CWH43: variants seen among roughly 807,000 people sequenced by gnomAD.
The protein encoded by CWH43 is PGAP2-interacting protein.
In CWH43, 91 loss-of-function variants were observed where a neutral mutation model predicts 85.7. The ratio of observed to expected loss-of-function variants is 1.06; its 90% CI spans 0.90 to 1.26. The LOEUF is 1.26. Ranked by LOEUF, CWH43 falls within the 50% of genes most tolerant of loss-of-function variation. CWH43 has a pLI of 0.00. For missense variants in CWH43, 869 were observed against 839.2 expected (o/e 1.04, Z -0.44); for synonymous variants, 323 against 293.6 (o/e 1.10, Z -1.02).
At chr4:48,991,309 A>C (rs1276070801) in intron 2 of CWH43, 145 bp from the exon 3 acceptor site, 2 of 762,946 alleles carry the variant, frequency 2.6e-6, no homozygotes, top group Admixed American at 2.7e-5. Flanking sequence ...TTTCAATAAA[A>C]ATTTTAAATA....
chr4:49,049,473 T>A (rs1270663626), intron 14 of CWH43, among the ~76,000 whole-genome samples: 2 of 151,920 alleles, frequency 1.3e-5, no homozygotes, highest in South Asian at 4.2e-4. Context: ...CTGGTAGCTG[T>A]CACAGACCTC....
rs1783579499 is a variant in CWH43, at chr4:49,017,250, T to C, written c.1188T>C (p.Phe396=). 6.2e-7 allele frequency: 1 copy of C among 1,609,598 alleles called. No homozygotes were observed. Among genetic ancestry groups the C allele is most frequent in the Admixed American group, 1.7e-5 (1 of 59,654 alleles). Residue 396 remains phenylalanine (F), a splice_region_variant and synonymous_variant, in exon 9 of 16, where the codon TTT becomes TTC. Transcript: ENST00000226432. ...CAATTATTTCTTTTTTCTGTTTAGT[T>C]CTGTGGCTGCTTGTTGGTGTGGGAT... ...FRKSEKYMKL[F]LWLLVGVGLL...
rs771539907 is a variant in CWH43, at chr4:48,991,437, C to G, written c.236-17C>G. On this transcript the variant is annotated splice_polypyrimidine_tract_variant and intron_variant, in intron 2 of 15. Transcript: ENST00000226432. Reference sequence around the variant, plus strand: ...ATACTTGCCAGAAATGCTTAGCTCTCCCTATTTTGTTTGTAGGCAGCATAG... The same window carrying G: ...ATACTTGCCAGAAATGCTTAGCTCTGCCTATTTTGTTTGTAGGCAGCATAG... 8 of 1,613,620 alleles carry G rather than the reference C, an allele frequency of 5.0e-6. No individual in the cohort carries two copies. Among genetic ancestry groups the G allele is most frequent in the Non-Finnish European group, 5.9e-6 (7 of 1,179,784 alleles).
At chr4:49,001,329 T>C (rs1373311188) in intron 6 of CWH43, among the ~76,000 whole-genome samples, 3 of 152,200 alleles carry the variant, frequency 2.0e-5, no homozygotes, top group African/African-American at 7.2e-5. Context: ...ATAATTGTTA[T>C]TGAAATAGTT....
In CWH43 at chr4:49,030,873, T is replaced by A. The variant is rs1378077261; in HGVS notation, c.1421T>A (p.Met474Lys). Residue 474 changes from methionine to lysine, a missense_variant, in exon 11 of 16, where the codon ATG becomes AAG. By Grantham distance (95) the Met-to-Lys change is moderately conservative. Transcript: ENST00000226432. ...GAGAGTGATGCTTCTAAGCCCTATA[T>A]GGGGAACAATGACTTAACCATGTGG... ...ILESDASKPY[M>K]GNNDLTMWLG... is the part of the protein sequence containing the mutation. 4 of 1,609,264 alleles carry A rather than the reference T, an allele frequency of 2.5e-6. No homozygotes were observed. The highest frequency in any genetic ancestry group is 3.4e-6 in the Non-Finnish European group (4 of 1,178,372).
chr4:49,000,614 A>T (rs1782960534), intron 6 of CWH43, among the ~76,000 whole-genome samples: 1 of 152,234 alleles, frequency 6.6e-6, no homozygotes. Context: ...CATTTATATC[A>T]TGCCTTTTCA....
chr4:49,021,135 A>T (rs1188572721), intron 9 of CWH43, among the ~76,000 whole-genome samples: 1 of 152,174 alleles, frequency 6.6e-6, no homozygotes, highest in African/African-American at 2.4e-5. Context: ...TGCCTAAGCC[A>T]ATTTTAAAAG....
intron 15 of CWH43, among the ~76,000 whole-genome samples, chr4:49,059,010 C>T (rs1298015533): frequency 6.6e-6 from 1 of 152,160 alleles, no homozygotes. Flanking sequence ...GAATCTTCCT[C>T]TCCAAATTTG....
intron 6 of CWH43, among the ~76,000 whole-genome samples, chr4:49,000,313 G>A (rs1230176819): frequency 1.3e-5 from 2 of 152,196 alleles, no homozygotes; most frequent in Non-Finnish European, 2.9e-5. Flanking sequence ...AATCGATGAG[G>A]TTGGCCAGGT....
At chr4:49,015,548 T>C (rs530235484) in intron 8 of CWH43, among the ~76,000 whole-genome samples, 2 of 152,178 alleles carry the variant, frequency 1.3e-5, no homozygotes, top group Non-Finnish European at 2.9e-5. Context: ...TCTTGCTTGA[T>C]AGTCTTCAGG....
chr4:49,034,647 G>A (rs1784208701), intron 12 of CWH43, among the ~76,000 whole-genome samples: 1 of 152,136 alleles, frequency 6.6e-6, no homozygotes. Context: ...CTCCAGGAAT[G>A]AAGGCAGTGT....
chr4:49,011,905 A>AT (rs764363993), intron 8 of CWH43, among the ~76,000 whole-genome samples: 3 of 151,674 alleles, frequency 2.0e-5, no homozygotes, highest in Non-Finnish European at 2.9e-5. Context: ...TGCCCTTAAC[A>AT]TTTTTTCCTT....
At chr4:49,046,301 G>A (rs575165507) in intron 14 of CWH43, among the ~76,000 whole-genome samples, 53 of 128,722 alleles carry the variant, frequency 4.1e-4, no homozygotes, top group African/African-American at 1.3e-3. Context: ...CAAAAAAGAG[G>A]GACTAACCAT....
Position 48,991,454 on chromosome 4 carries a change from G to A in CWH43, c.236G>A (p.Gly79Asp), listed in dbSNP as rs759998013. 2 of 1,613,828 alleles carry A rather than the reference G, an allele frequency of 1.2e-6. No homozygotes were observed. Among genetic ancestry groups the A allele is most frequent in the Non-Finnish European group, 1.7e-6 (2 of 1,179,906 alleles). ...TTAGCTCTCCCTATTTTGTTTGTAG[G>A]CAGCATAGCCTCCTTCCAGGCTCCA... ...MLTLLRIITIGSIASFQAPNA... is the reference protein window; with the variant it reads ...MLTLLRIITIDSIASFQAPNA... The change falls in exon 3 of 16, where the codon GGC becomes GAC. Residue 79 changes from glycine to aspartate, a missense_variant and splice_region_variant. Physicochemically the swap from Gly to Asp is moderately conservative, Grantham distance 94 (BLOSUM62 -1). Around this residue, in one of 3 missense-constraint regions of CWH43, gnomAD observed 140 missense variants for 122.6 expected, o/e 1.14. Coordinates refer to ENST00000226432, the MANE Select transcript of CWH43 (RefSeq NM_025087.3).
At chr4:49,021,867 G>A (rs2109791489) in intron 9 of CWH43, among the ~76,000 whole-genome samples, 1 of 152,264 alleles carries the variant, frequency 6.6e-6, no homozygotes, top group East Asian at 1.9e-4. Context: ...CACAGTTGGT[G>A]TATAGCAGGG....
Position 48,994,761 on chromosome 4 carries a change from T to G in CWH43, c.654T>G (p.Leu218=). ...LTHWVFGEVS[L]VSRWAVSGHP... ...ACTGGGTTTTTGGAGAAGTCTCTCTTGTTTCCAGATGGGCAGTGAGTGGGC... is the reference window on the plus strand; with the variant it reads ...ACTGGGTTTTTGGAGAAGTCTCTCTGGTTTCCAGATGGGCAGTGAGTGGGC... Residue 218 remains leucine (L), a synonymous_variant, in exon 5 of 16, where the codon CTT becomes CTG. Coordinates refer to ENST00000226432, the MANE Select transcript of CWH43 (RefSeq NM_025087.3). 6.2e-7 allele frequency: 1 copy of G among 1,613,974 alleles called. No individual in the cohort carries two copies. The highest frequency in any genetic ancestry group is 1.1e-5 in the South Asian group (1 of 91,046).
chr4:49,053,659 G>C (rs2109844364), intron 15 of CWH43, among the ~76,000 whole-genome samples: 1 of 152,042 alleles, frequency 6.6e-6, no homozygotes, highest in South Asian at 2.1e-4. Context: ...TAAGTTTTTT[G>C]AGTTCCCTAT....
intron 9 of CWH43, among the ~76,000 whole-genome samples, chr4:49,021,626 AG>A (rs1467847591): frequency 2.0e-5 from 3 of 152,112 alleles, no homozygotes; most frequent in Admixed American, 6.5e-5. Context: ...TTGAATTTGT[AG>A]ATTGCTTTTG....
At chr4:48,994,301 T>A (rs1782743653) in intron 4 of CWH43, among the ~76,000 whole-genome samples, 1 of 152,228 alleles carries the variant, frequency 6.6e-6, no homozygotes, top group Non-Finnish European at 1.5e-5. Context: ...ACAACATTTG[T>A]TCACAAACAC....
Sources: allele counts gnomAD v4.1 joint callset (sites outside exome capture counted in the v4.1 genomes callset), GRCh38; gene constraint gnomAD v4.1.1; regional missense constraint gnomAD v4.1.1; transcripts MANE v1.5; gene names NCBI Gene and HGNC (gene_info 2026-07-23, HGNC 2026-07-21).